DPYD: variants seen among roughly 807,000 people sequenced by gnomAD.
DPYD encodes dihydropyrimidine dehydrogenase.
Under a neutral mutation model 116.2 loss-of-function variants are expected in DPYD, and 109 were observed. The observed-to-expected ratio is 0.94, with a 90% CI of 0.80 to 1.10. The LOEUF (loss-of-function observed/expected upper bound fraction) is 1.10, where lower values mean the gene tolerates loss of function less well. Among genes scored for constraint, DPYD ranks in the 50% least tolerant of loss-of-function variants. DPYD has a pLI of 0.00. For missense variants in DPYD, 1,302 were observed against 1,254.5 expected, an observed-to-expected ratio of 1.04 and a Z score of -0.57; for synonymous variants, 440 against 432.0, an observed-to-expected ratio of 1.02 and a Z score of -0.23.
intron 13 of DPYD, among the ~76,000 whole-genome samples, chr1:97,459,861 CA>C (rs533284532): frequency 9.2e-5 from 14 of 151,488 alleles, no homozygotes; most frequent in South Asian, 8.4e-4. Flanking sequence ...TTATATGAGG[CA>C]AAAAAATAAA....
chr1:97,406,845 T>C (rs1445856793), intron 14 of DPYD, among the ~76,000 whole-genome samples: 2 of 152,170 alleles, frequency 1.3e-5, no homozygotes, highest in Admixed American at 6.5e-5. Context: ...ATTGAGGCTG[T>C]AGTAAGTCAA....
rs545353307 is a variant in DPYD, at chr1:97,334,508, T to C, written c.2059-28211A>G. ...TAGCAGAATTACGGGATTTGTAACATGCATATTGCGTGGTCTGTGACCATA... is the reference window on the plus strand; with the variant it reads ...TAGCAGAATTACGGGATTTGTAACACGCATATTGCGTGGTCTGTGACCATA... On this transcript the variant is annotated intron_variant, in intron 16 of 22. Coordinates refer to ENST00000370192, the MANE Select transcript of DPYD (RefSeq NM_000110.4). 2.4e-4 allele frequency among the ~76,000 whole-genome samples: 37 copies of C among 152,326 alleles called. No homozygotes were observed. In the Middle Eastern group the frequency reaches 0.014, roughly 56 times the overall value.
At chr1:97,465,347 TG>T (rs1677256446) in intron 13 of DPYD, among the ~76,000 whole-genome samples, 1 of 152,162 alleles carries the variant, frequency 6.6e-6, no homozygotes, top group Admixed American at 6.6e-5. Context: ...GTTAAGATTC[TG>T]GGGGACTGTT....
intron 8 of DPYD, among the ~76,000 whole-genome samples, chr1:97,616,142 AT>A (rs376473393): frequency 9.4e-4 from 127 of 135,550 alleles, no homozygotes; most frequent in Middle Eastern, 7.5e-3. Context: ...CTAATAAATG[AT>A]TTTTTTTTTT....
chr1:97,711,907 A>G (rs1557900488), intron 5 of DPYD, among the ~76,000 whole-genome samples: 1 of 151,882 alleles, frequency 6.6e-6, no homozygotes, highest in Non-Finnish European at 1.5e-5. Context: ...TGTTTCTTTT[A>G]TCTTTCTTTC....
At chr1:97,218,800 G>C (rs1363782993) in intron 19 of DPYD, among the ~76,000 whole-genome samples, 3 of 152,114 alleles carry the variant, frequency 2.0e-5, no homozygotes, top group Non-Finnish European at 2.9e-5. Context: ...AGAGGGTCTA[G>C]TTTGTTGTGA....
chr1:97,318,703 A>G (rs1668024602), intron 16 of DPYD, among the ~76,000 whole-genome samples: 1 of 150,358 alleles, frequency 6.7e-6, no homozygotes, highest in South Asian at 2.1e-4. Flanking sequence ...ATACCCAGGA[A>G]TTGAACTCAG....
intron 12 of DPYD, chr1:97,546,408 TGAA>T (rs993475604): frequency 1.3e-5 from 20 of 1,550,880 alleles, no homozygotes; most frequent in African/African-American, 4.1e-5. Context: ...GCAGTGATTC[TGAA>T]GAAGAAGAAA....
intron 14 of DPYD, among the ~76,000 whole-genome samples, chr1:97,396,631 G>C (rs756258961): frequency 4.6e-5 from 7 of 152,050 alleles, no homozygotes; most frequent in Non-Finnish European, 1.0e-4. Flanking sequence ...AAGGGCTGAT[G>C]ATAGGGTAGT....
chr1:97,393,963 G>A (rs933727941), intron 14 of DPYD, among the ~76,000 whole-genome samples: 2 of 152,094 alleles, frequency 1.3e-5, no homozygotes, highest in African/African-American at 2.4e-5. Flanking sequence ...GTTGTTTCCT[G>A]ACTTTTTAAT....
chr1:97,559,402 C>A (rs1651976205), intron 11 of DPYD, among the ~76,000 whole-genome samples: 1 of 151,992 alleles, frequency 6.6e-6, no homozygotes, highest in South Asian at 2.1e-4. Context: ...GGAAAAGATT[C>A]CCTAAATAGA....
intron 14 of DPYD, among the ~76,000 whole-genome samples, chr1:97,428,260 A>T (rs903670413): frequency 6.6e-6 from 1 of 152,118 alleles, no homozygotes; most frequent in African/African-American, 2.4e-5. Flanking sequence ...AGATCATGGT[A>T]CAGTATTTAA....
At chr1:97,306,841 C>T (rs1158885424) in intron 16 of DPYD, among the ~76,000 whole-genome samples, 1 of 151,854 alleles carries the variant, frequency 6.6e-6, no homozygotes, top group Non-Finnish European at 1.5e-5. Flanking sequence ...AATAATTCAG[C>T]CTTGTATTAT....
intron 20 of DPYD, among the ~76,000 whole-genome samples, chr1:97,131,931 A>G (rs1372666208): frequency 6.6e-6 from 1 of 152,142 alleles, no homozygotes; most frequent in Non-Finnish European, 1.5e-5. Context: ...TACTTAAATG[A>G]TTTTGAAATG....
intron 3 of DPYD, among the ~76,000 whole-genome samples, chr1:97,751,460 G>GTGTGTGTGTGTATATATA (rs763260651): frequency 2.8e-4 from 6 of 21,290 alleles, no homozygotes; most frequent in East Asian, 3.5e-3. Flanking sequence ...GTGTGTGTGT[G>GTGTGTGTGTGTATATATA]TATATATATA....
At position 97,115,386 on chromosome 1, in the gene DPYD, T is replaced by C. The variant is rs148317596; in HGVS notation, c.2623-16754A>G. Among the ~76,000 whole-genome samples the C allele has an allele frequency of 4.3e-3, 648 of 152,264 alleles. 2 individuals are homozygous for C. Among genetic ancestry groups the C allele is most frequent in the East Asian group, 0.017 (87 of 5,178 alleles). On this transcript the variant is annotated intron_variant, in intron 20 of 22. Coordinates refer to ENST00000370192, the MANE Select transcript of DPYD (RefSeq NM_000110.4). ...ATTTTATTGTTTGAAAGTTCTAAAA[T>C]AGCAAATTGACAAAATTGGTATTTA...
At chr1:97,522,998 A>C (rs1414168499) in intron 12 of DPYD, among the ~76,000 whole-genome samples, 1 of 152,164 alleles carries the variant, frequency 6.6e-6, no homozygotes, top group Non-Finnish European at 1.5e-5. Context: ...AACATAGTTG[A>C]AAAGGTTAAA....
In DPYD at chr1:97,078,861, T is replaced by C; in HGVS notation, c.*115A>G. On this transcript the variant is annotated 3_prime_UTR_variant, in exon 23 of 23. Transcript: ENST00000370192. Reference sequence around the variant, plus strand: ...TATTTTGAAATTACATATTTTTATTTAGAAAATGTATATTTGTTTTAATTT... The same window carrying C: ...TATTTTGAAATTACATATTTTTATTCAGAAAATGTATATTTGTTTTAATTT... 8.0e-7 allele frequency: 1 copy of C among 1,250,998 alleles called. No homozygotes were observed. Among genetic ancestry groups the C allele is most frequent in the South Asian group, 1.3e-5 (1 of 78,686 alleles). The allele number at this position is 1,250,998 out of a possible 1,614,324, so 77.5% of individuals were successfully genotyped here. A position where few individuals can be genotyped will look rare whatever the true frequency, so the allele number is the denominator to read the frequency against.
chr1:97,792,369 G>C (rs934721781), intron 3 of DPYD, among the ~76,000 whole-genome samples: 1 of 151,886 alleles, frequency 6.6e-6, no homozygotes, highest in Admixed American at 6.6e-5. Flanking sequence ...CACCCCCCAG[G>C]TTCAAGCAAT....
Sources: allele counts gnomAD v4.1 joint callset (sites outside exome capture counted in the v4.1 genomes callset), GRCh38; gene constraint gnomAD v4.1.1; transcripts MANE v1.5; gene names NCBI Gene and HGNC (gene_info 2026-07-23, HGNC 2026-07-21).